The following SEMA5B variants were observed in gnomAD, a reference collection of about 807,000 sequenced individuals.
SEMA5B encodes the protein semaphorin-5B.
In SEMA5B, 66 loss-of-function variants were observed where a neutral mutation model predicts 135.0. The ratio of observed to expected loss-of-function variants is 0.49; its 90% CI spans 0.40 to 0.60. The LOEUF (loss-of-function observed/expected upper bound fraction) is 0.60, where lower values mean the gene tolerates loss of function less well. Ranked by LOEUF, SEMA5B falls within the 20% of genes least tolerant of loss-of-function variation. The probability of loss-of-function intolerance (pLI) is 0.00; values close to 1 mark genes in which losing one functional copy is unlikely to be tolerated. For missense variants in SEMA5B, 1,501 were observed against 1,566.3 expected, an observed-to-expected ratio of 0.96 and a Z score of 0.70; for synonymous variants, 690 against 639.5, an observed-to-expected ratio of 1.08 and a Z score of -1.19.
chr3:122,910,735 G>A lies in SEMA5B; in HGVS notation c.3297+105C>T, dbSNP rs373782451. The A allele has an allele frequency of 8.3e-4, 743 of 897,104 alleles. 5 individuals are homozygous for A. In the African/African-American group the frequency reaches 0.011, roughly 13 times the overall value. 55.6% of individuals were successfully genotyped at this position (897,104 alleles called of 1,614,324 possible). A position where few individuals can be genotyped will look rare whatever the true frequency, so the allele number is the denominator to read the frequency against. The stretch of plus-strand genomic sequence containing the variant: ...TGAGGCAGGAGAATGGCGTGAACCC[G>A]GGAGGCAGAGCTTGCAATGAGCCGA... On this transcript the variant is annotated intron_variant, in intron 22 of 22. Coordinates refer to ENST00000357599, the MANE Select transcript of SEMA5B (RefSeq NM_001031702.4).
At chr3:122,930,655 A>G (rs1040402043) in intron 5 of SEMA5B, among the ~76,000 whole-genome samples, 3 of 152,236 alleles carry the variant, frequency 2.0e-5, no homozygotes, top group African/African-American at 7.2e-5. Context: ...CCTTGATTCC[A>G]TTGAAGAGGG....
At chr3:122,998,932 A>G (rs1942096569) in intron 1 of SEMA5B, among the ~76,000 whole-genome samples, 1 of 152,214 alleles carries the variant, frequency 6.6e-6, no homozygotes, top group African/African-American at 2.4e-5. Flanking sequence ...TGAGGGTGGG[A>G]AGACAACTTC....
intron 1 of SEMA5B, among the ~76,000 whole-genome samples, chr3:123,005,576 C>G (rs1394485950): frequency 6.6e-6 from 1 of 152,138 alleles, no homozygotes; most frequent in Non-Finnish European, 1.5e-5. Flanking sequence ...GTTGCCCAGG[C>G]TTCATTGCAT....
At chr3:122,915,140 C>T (rs2107617345) in intron 14 of SEMA5B, among the ~76,000 whole-genome samples, 1 of 152,342 alleles carries the variant, frequency 6.6e-6, no homozygotes, top group East Asian at 1.9e-4. Context: ...TGCTGTTCCT[C>T]ATGTTTGGGA....
chr3:122,914,210 T>A (rs553493926), intron 14 of SEMA5B, among the ~76,000 whole-genome samples: 14 of 152,278 alleles, frequency 9.2e-5, no homozygotes, highest in Middle Eastern at 3.4e-3. Context: ...TTGAGAGCCT[T>A]CTTCTATATA....
At chr3:122,974,716 A>G (rs528777698) in intron 1 of SEMA5B, among the ~76,000 whole-genome samples, 1 of 152,310 alleles carries the variant, frequency 6.6e-6, no homozygotes, top group African/African-American at 2.4e-5. Context: ...CTGATCTGGT[A>G]TAAACGAAGC....
chr3:122,990,039 C>T (rs969267762), intron 1 of SEMA5B, among the ~76,000 whole-genome samples: 7 of 152,270 alleles, frequency 4.6e-5, no homozygotes, highest in Admixed American at 1.3e-4. Context: ...CTACCAGAAT[C>T]GAGCATCATT....
At chr3:122,960,525 G>C (rs11711220) in intron 2 of SEMA5B, among the ~76,000 whole-genome samples, 35,970 of 152,140 alleles carry the variant, frequency 0.24, 4,393 homozygotes, top group East Asian at 0.38. Flanking sequence ...TTGTACACAT[G>C]TTCATAGTAG....
intron 4 of SEMA5B, among the ~76,000 whole-genome samples, chr3:122,941,923 A>G (rs573366631): frequency 6.6e-6 from 1 of 152,276 alleles, no homozygotes; most frequent in Non-Finnish European, 1.5e-5. Flanking sequence ...TAGAGAGTAA[A>G]ACAATTACTC....
At chr3:122,977,944 T>C (rs1316025047) in intron 1 of SEMA5B, among the ~76,000 whole-genome samples, 1 of 152,166 alleles carries the variant, frequency 6.6e-6, no homozygotes, top group South Asian at 2.1e-4. Context: ...TAAAGGGATG[T>C]TGGAGGTAGG....
At chr3:122,929,188 T>C in intron 5 of SEMA5B, 130 bp from the exon 6 acceptor site, 1 of 825,978 alleles carries the variant, frequency 1.2e-6, no homozygotes, top group South Asian at 1.6e-5. Flanking sequence ...GTCTGCAGGG[T>C]GAGGGCTCCT....
At chr3:122,928,682 A>G in intron 6 of SEMA5B, 67 bp from the exon 7 acceptor site, 2 of 1,161,914 alleles carry the variant, frequency 1.7e-6, no homozygotes, top group Non-Finnish European at 2.5e-6. Context: ...TCTCACGCTC[A>G]CACCACTGCG....
intron 1 of SEMA5B, among the ~76,000 whole-genome samples, chr3:122,981,312 C>T (rs1410424912): frequency 6.6e-6 from 1 of 152,150 alleles, no homozygotes; most frequent in African/African-American, 2.4e-5. Context: ...ACAGGTGATG[C>T]TGAGGTAGGG....
At chr3:122,998,328 C>T (rs1288484850) in intron 1 of SEMA5B, among the ~76,000 whole-genome samples, 4 of 151,756 alleles carry the variant, frequency 2.6e-5, no homozygotes, top group African/African-American at 7.3e-5. Context: ...TCAGGTAGAG[C>T]GGAAAGGACG....
chr3:123,006,836 C>T (rs1486339333), intron 1 of SEMA5B, among the ~76,000 whole-genome samples: 2 of 152,174 alleles, frequency 1.3e-5, no homozygotes, highest in Non-Finnish European at 2.9e-5. Context: ...CCACCACCCC[C>T]ATTCTCAGAA....
chr3:122,960,786 CAGAA>C (rs1360435862), intron 2 of SEMA5B, among the ~76,000 whole-genome samples: 1 of 152,088 alleles, frequency 6.6e-6, no homozygotes, highest in East Asian at 1.9e-4. Flanking sequence ...TCCATGGAGA[CAGAA>C]AGTAGAATGG....
At chr3:122,951,574 C>T (rs547673094) in intron 2 of SEMA5B, among the ~76,000 whole-genome samples, 6 of 152,338 alleles carry the variant, frequency 3.9e-5, no homozygotes, top group East Asian at 1.9e-4. Context: ...CACCAAGCCC[C>T]GCTGACCCTA....
chr3:123,016,366 A>G (rs1376927062), intron 1 of SEMA5B, among the ~76,000 whole-genome samples: 1 of 152,210 alleles, frequency 6.6e-6, no homozygotes, highest in Non-Finnish European at 1.5e-5. Context: ...AAATGCACAA[A>G]TGTTCAAGTT....
chr3:122,911,461 G>C, intron 21 of SEMA5B, 30 bp downstream of exon 21: 1 of 1,597,338 alleles, frequency 6.3e-7, no homozygotes, highest in Non-Finnish European at 8.5e-7. Flanking sequence ...TGGGAGGACC[G>C]CAGCATGAGG....
Sources: allele counts gnomAD v4.1 joint callset (sites outside exome capture counted in the v4.1 genomes callset), GRCh38; gene constraint gnomAD v4.1.1; transcripts MANE v1.5; gene names NCBI Gene and HGNC (gene_info 2026-07-23, HGNC 2026-07-21).